CRYZL1: variants seen among roughly 807,000 people sequenced by gnomAD.
The protein encoded by CRYZL1 is ferry endosomal RAB5 effector complex subunit 4.
Under a neutral mutation model 50.6 loss-of-function variants are expected in CRYZL1, and 34 were observed. The ratio of observed to expected loss-of-function variants is 0.67; its 90% CI spans 0.51 to 0.89. CRYZL1 has a LOEUF of 0.89. Ranked by LOEUF, CRYZL1 falls within the 40% of genes least tolerant of loss-of-function variation. CRYZL1 has a pLI of 0.00. For synonymous variants in CRYZL1, 125 were observed against 134.3 expected (o/e 0.93, Z 0.48); for missense variants, 354 against 402.3 (o/e 0.88, Z 1.03).
rs192724361 is a variant in CRYZL1 at position 33,602,546 on chromosome 21, G to A, written c.466-201C>T. ...TGATTGACTTTCTTCTTTACAAGGGGTGGTGGAAAAGCTGCATGTCACACG... is the reference window on the plus strand; with the variant it reads ...TGATTGACTTTCTTCTTTACAAGGGATGGTGGAAAAGCTGCATGTCACACG... On this transcript the variant is annotated intron_variant, in intron 7 of 12. Transcript: ENST00000381554. Among the ~76,000 whole-genome samples, 33 of 152,292 alleles carry A rather than the reference G, an allele frequency of 2.2e-4. No individual in the cohort carries two copies. The East Asian group carries it at 6.0e-3, about 28-fold the overall frequency.
intron 1 of CRYZL1, among the ~76,000 whole-genome samples, chr21:33,636,510 A>C (rs1195315034): frequency 2.0e-5 from 3 of 152,226 alleles, no homozygotes; most frequent in African/African-American, 7.2e-5. Flanking sequence ...GGATTATGTT[A>C]GTAATACTAT....
intron 6 of CRYZL1, among the ~76,000 whole-genome samples, chr21:33,605,767 G>A (rs2086806803): frequency 6.6e-6 from 1 of 151,720 alleles, no homozygotes; most frequent in Non-Finnish European, 1.5e-5. Flanking sequence ...CAGGTGATCT[G>A]CCTACCTTGG....
rs971816370 is a variant in CRYZL1, at chr21:33,614,761, A to G, written c.263-1155T>C. Among the ~76,000 whole-genome samples, 5 of 152,138 alleles carry G rather than the reference A, an allele frequency of 3.3e-5. No homozygotes were observed. The East Asian group carries it at 9.8e-4, about 30-fold the overall frequency. ...TAATCTTTGTATTATTAGTAGAGACACAGTTTCACCACATTGGCCAGGCTG... is the reference window on the plus strand; with the variant it reads ...TAATCTTTGTATTATTAGTAGAGACGCAGTTTCACCACATTGGCCAGGCTG... On this transcript the variant is annotated intron_variant, in intron 5 of 12. Transcript: ENST00000381554.
At position 33,616,756 on chromosome 21, in the gene CRYZL1, G is replaced by A; in HGVS notation, c.218-6C>T. On this transcript the variant is annotated splice_region_variant and splice_polypyrimidine_tract_variant and intron_variant, in intron 4 of 12. Transcript: ENST00000381554. ...GAATGATACCTTGCTTCCAACTAAA[G>A]AGTGAAGAAAATTAATAGTTAATAT... The A allele has an allele frequency of 6.3e-7, 1 of 1,596,536 alleles. No homozygotes were observed. Among genetic ancestry groups the A allele is most frequent in the Non-Finnish European group, 8.5e-7 (1 of 1,170,644 alleles).
At chr21:33,602,378 G>C (rs775879454) in intron 7 of CRYZL1, 33 bp from the exon 8 acceptor site, 2 of 982,538 alleles carry the variant, frequency 2.0e-6, no homozygotes, top group Non-Finnish European at 3.3e-6. Flanking sequence ...TGGGTGTATG[G>C]TTATAGAACA....
chr21:33,593,256 G>A (rs1379449400), intron 11 of CRYZL1, among the ~76,000 whole-genome samples: 2 of 151,706 alleles, frequency 1.3e-5, no homozygotes, highest in Admixed American at 6.6e-5. Context: ...ACAGGTGCCC[G>A]CCACCATGCC....
intron 6 of CRYZL1, among the ~76,000 whole-genome samples, chr21:33,609,941 T>C (rs1473373328): frequency 6.7e-6 from 1 of 150,224 alleles, no homozygotes; most frequent in Non-Finnish European, 1.5e-5. Context: ...CCTGACCTTG[T>C]GATCCGCCCG....
intron 8 of CRYZL1, among the ~76,000 whole-genome samples, chr21:33,601,998 CT>C (rs796436323): frequency 0.022 from 2,929 of 132,680 alleles, 84 homozygotes; most frequent in African/African-American, 0.066. Context: ...TTTATAAATT[CT>C]TTTTTTTTTT....
chr21:33,638,175 G>T (rs1166482310), intron 1 of CRYZL1, among the ~76,000 whole-genome samples: 1 of 151,280 alleles, frequency 6.6e-6, no homozygotes, highest in Admixed American at 6.6e-5. Flanking sequence ...ATTCTGCAGG[G>T]TGTGGAGGAT....
At position 33,631,652 on chromosome 21, in the gene CRYZL1, G is replaced by A. The variant is rs1050888013; in HGVS notation, c.-6-95C>T. 5.3e-5 allele frequency: 37 copies of A among 703,928 alleles called. No individual in the cohort carries two copies. The African/African-American group carries it at 5.5e-4, about 10-fold the overall frequency. 43.6% of individuals were successfully genotyped at this position (703,928 alleles called of 1,614,324 possible). A position where few individuals can be genotyped will look rare whatever the true frequency, so the allele number is the denominator to read the frequency against. ...AAACAGTGCTGGCAAAGGATAAAACGACAACTACAAATGTAGTTTTCAAAT... is the reference window on the plus strand; with the variant it reads ...AAACAGTGCTGGCAAAGGATAAAACAACAACTACAAATGTAGTTTTCAAAT... On this transcript the variant is annotated intron_variant, in intron 1 of 12. Coordinates refer to ENST00000381554, the MANE Select transcript of CRYZL1 (RefSeq NM_145858.3).
In CRYZL1 at chr21:33,624,708, CA is replaced by C; in HGVS notation, c.118del (p.Cys40ValfsTer3). The C allele has an allele frequency of 6.3e-7, 1 of 1,599,814 alleles. No individual in the cohort carries two copies. Among genetic ancestry groups the C allele is most frequent in the Non-Finnish European group, 8.5e-7 (1 of 1,176,538 alleles). On this transcript the variant is annotated frameshift_variant, in exon 3 of 13. Transcript: ENST00000381554. LOFTEE classifies it high-confidence loss of function. Reference sequence around the variant, plus strand: ...CTTTGTATTTATCTGGCTCAGAGCACAAGCTTTAACTTGAAGTTTCACAAAG... The same window carrying C: ...CTTTGTATTTATCTGGCTCAGAGCACAGCTTTAACTTGAAGTTTCACAAAG... ...DNFVKLQVKA[C>X]ALSQINTKLL...
In CRYZL1 at chr21:33,622,676, A is replaced by C. The variant is rs116438726; in HGVS notation, c.145-608T>G. Among the ~76,000 whole-genome samples, 1,424 of 152,290 alleles carry C rather than the reference A, an allele frequency of 9.4e-3. 30 individuals are homozygous for C. Among genetic ancestry groups the C allele is most frequent in the African/African-American group, 0.033 (1,387 of 41,582 alleles). ...TTAGATTGTGACCAAATTAACTGTA[A>C]GTACTTGTCTTTTGAAGTAACAGGG... On this transcript the variant is annotated intron_variant, in intron 3 of 12. Coordinates refer to ENST00000381554, the MANE Select transcript of CRYZL1 (RefSeq NM_145858.3).
chr21:33,593,319 G>A (rs550999260), intron 11 of CRYZL1, among the ~76,000 whole-genome samples: 30 of 152,106 alleles, frequency 2.0e-4, no homozygotes, highest in Admixed American at 9.2e-4. Context: ...TGTTCGCCAG[G>A]ATGGTCTCAA....
In CRYZL1 at chr21:33,602,334, T is replaced by C; in HGVS notation, c.477A>G (p.Thr159=). Residue 159 remains threonine, a synonymous_variant, in exon 8 of 13, where the codon ACA becomes ACG. Coordinates refer to ENST00000381554, the MANE Select transcript of CRYZL1 (RefSeq NM_145858.3). ...TATGATGTGCTAACTGAATAGCTATTGTACCAAATGCCTGTGTAGAAAAAA... is the reference window on the plus strand; with the variant it reads ...TATGATGTGCTAACTGAATAGCTATCGTACCAAATGCCTGTGTAGAAAAAA... The part of the protein sequence containing the change: ...LIMDGASAFG[T]IAIQLAHHRG... 3 of 1,588,344 alleles carry C rather than the reference T, an allele frequency of 1.9e-6. No homozygotes were observed. The highest frequency in any genetic ancestry group is 2.6e-6 in the Non-Finnish European group (3 of 1,156,540).
chr21:33,637,604 C>G (rs35945354), intron 1 of CRYZL1, among the ~76,000 whole-genome samples: 14,709 of 151,822 alleles, frequency 0.097, 1,250 homozygotes, highest in East Asian at 0.44. Flanking sequence ...AAAGTCCAAA[C>G]TCCTCTTCTT....
At chr21:33,633,425 T>C (rs947054060) in intron 1 of CRYZL1, among the ~76,000 whole-genome samples, 1 of 152,128 alleles carries the variant, frequency 6.6e-6, no homozygotes, top group African/African-American at 2.4e-5. Flanking sequence ...AATACTTTTT[T>C]TTTTTCTTTT....
intron 10 of CRYZL1, chr21:33,596,254 A>G (rs2086691977): frequency 4.7e-6 from 2 of 422,284 alleles, no homozygotes; most frequent in South Asian, 1.8e-5. Flanking sequence ...TCCAATTTGA[A>G]TAATTAGGAA....
At chr21:33,596,638 C>CAAAAAATA (rs369788812) in intron 10 of CRYZL1, among the ~76,000 whole-genome samples, 1 of 150,682 alleles carries the variant, frequency 6.6e-6, no homozygotes, top group African/African-American at 2.4e-5. Context: ...AACTTTGTTC[C>CAAAAAATA]AAAAAATAAA....
intron 1 of CRYZL1, among the ~76,000 whole-genome samples, chr21:33,632,361 CTT>C (rs1364959405): frequency 6.6e-6 from 1 of 151,886 alleles, no homozygotes; most frequent in Non-Finnish European, 1.5e-5. Flanking sequence ...AATAAATAAA[CTT>C]ATATTCTGTG....
Sources: allele counts gnomAD v4.1 joint callset (sites outside exome capture counted in the v4.1 genomes callset), GRCh38; gene constraint gnomAD v4.1.1; transcripts MANE v1.5; gene names NCBI Gene and HGNC (gene_info 2026-07-23, HGNC 2026-07-21).